STXBP5L: variants seen among roughly 807,000 people sequenced by gnomAD.
STXBP5L encodes the protein syntaxin binding protein 5L, also known as syntaxin-binding protein 5-like.
A neutral mutation model predicts 144.5 loss-of-function variants in STXBP5L; 65 were observed. The ratio of observed to expected loss-of-function variants is 0.45; its 90% CI spans 0.37 to 0.55. The LOEUF is 0.55. Ranked by LOEUF, STXBP5L falls within the 20% of genes least tolerant of loss-of-function variation. The probability of loss-of-function intolerance (pLI) is 0.00; values close to 1 mark genes in which losing one functional copy is unlikely to be tolerated. For missense variants in STXBP5L, 1,298 were observed against 1,405.5 expected, an observed-to-expected ratio of 0.92 and a Z score of 1.22; for synonymous variants, 505 against 469.6, an observed-to-expected ratio of 1.08 and a Z score of -0.97.
In STXBP5L at chr3:120,996,864, G is replaced by T. The variant is rs149352223; in HGVS notation, c.287+41827G>T. Among the ~76,000 whole-genome samples, 5 of 152,224 alleles carry T rather than the reference G, an allele frequency of 3.3e-5. No individual in the cohort carries two copies. In the East Asian group the frequency reaches 9.6e-4, roughly 29 times the overall value. ...TTCAGGTTTGTTACATGGGTAAATT[G>T]CATGTCATGGGGATTTGGTCTACAG... On this transcript the variant is annotated intron_variant, in intron 3 of 26. Transcript: ENST00000471454.
chr3:121,386,633 ATGAG>A (rs1442405824), intron 22 of STXBP5L, among the ~76,000 whole-genome samples: 2 of 151,894 alleles, frequency 1.3e-5, no homozygotes, highest in East Asian at 3.9e-4. Context: ...ATTCCCACCT[ATGAG>A]TGAGAACATG....
chr3:121,273,849 T>C (rs2050799983), intron 18 of STXBP5L, among the ~76,000 whole-genome samples: 1 of 152,086 alleles, frequency 6.6e-6, no homozygotes, highest in South Asian at 2.1e-4. Context: ...TTTTCTTTCA[T>C]TCATTATTCT....
intron 5 of STXBP5L, among the ~76,000 whole-genome samples, chr3:121,086,434 T>G (rs2042497237): frequency 1.3e-5 from 2 of 152,056 alleles, no homozygotes; most frequent in Non-Finnish European, 1.5e-5. Context: ...ATTGTAACAT[T>G]ATAGCACAAT....
chr3:121,251,225 C>G (rs1361946303), intron 15 of STXBP5L, among the ~76,000 whole-genome samples: 1 of 152,074 alleles, frequency 6.6e-6, no homozygotes, highest in Non-Finnish European at 1.5e-5. Flanking sequence ...ATGTAACTTA[C>G]AGAATAAATA....
chr3:121,253,808 TTC>T (rs2050115273), intron 15 of STXBP5L, among the ~76,000 whole-genome samples: 1 of 128,168 alleles, frequency 7.8e-6, no homozygotes, highest in Non-Finnish European at 1.6e-5. Flanking sequence ...TTTTTTTTTT[TTC>T]TTTTTTTTTT....
intron 9 of STXBP5L, among the ~76,000 whole-genome samples, chr3:121,173,759 A>G (rs865880060): frequency 6.6e-6 from 1 of 152,124 alleles, no homozygotes; most frequent in African/African-American, 2.4e-5. Context: ...TCTTTACAAG[A>G]TGAATCGTGT....
At chr3:121,318,379 A>C in intron 19 of STXBP5L, 96 bp from the exon 20 acceptor site, 2 of 750,992 alleles carry the variant, frequency 2.7e-6, no homozygotes, top group Non-Finnish European at 4.0e-6. Context: ...GTTTTCACAT[A>C]AAAAAAAGCC....
chr3:121,019,215 G>A (rs1048843273), intron 3 of STXBP5L, among the ~76,000 whole-genome samples: 11 of 152,142 alleles, frequency 7.2e-5, no homozygotes, highest in African/African-American at 2.4e-4. Flanking sequence ...AGGAGCCACA[G>A]CAAGCCCTGC....
rs374489754 is a variant in STXBP5L at position 121,077,886 on chromosome 3, C to A, written c.470+32351C>A. ...GGGTGCTGATTGGTGTGTTTACAAACCTTGAGCTAGATACAGAGTGCTGAT... is the reference window on the plus strand; with the variant it reads ...GGGTGCTGATTGGTGTGTTTACAAAACTTGAGCTAGATACAGAGTGCTGAT... On this transcript the variant is annotated intron_variant, in intron 5 of 26. Coordinates refer to ENST00000471454, the MANE Select transcript of STXBP5L (RefSeq NM_001308330.2). Among the ~76,000 whole-genome samples, 9 of 151,744 alleles carry A rather than the reference C, an allele frequency of 5.9e-5. No homozygotes were observed. In the East Asian group the frequency reaches 1.2e-3, roughly 20 times the overall value.
chr3:121,401,033 A>G (rs74731070), intron 22 of STXBP5L, among the ~76,000 whole-genome samples: 2 of 151,648 alleles, frequency 1.3e-5, no homozygotes, highest in Admixed American at 1.3e-4. Context: ...TTTTTTTTTT[A>G]TATGTTTTGC....
At chr3:121,269,060 A>C (rs1165817262) in intron 18 of STXBP5L, among the ~76,000 whole-genome samples, 1 of 152,134 alleles carries the variant, frequency 6.6e-6, no homozygotes, top group Non-Finnish European at 1.5e-5. Context: ...TTTATAGAAC[A>C]GATTATTAGT....
chr3:120,948,149 G>C (rs1414062368), intron 2 of STXBP5L, among the ~76,000 whole-genome samples: 1 of 151,406 alleles, frequency 6.6e-6, no homozygotes, highest in Non-Finnish European at 1.5e-5. Context: ...TATCCTAGTG[G>C]GTGCACAGTT....
intron 18 of STXBP5L, among the ~76,000 whole-genome samples, chr3:121,273,203 G>A (rs9832024): frequency 0.099 from 15,064 of 151,760 alleles, 1,168 homozygotes; most frequent in Admixed American, 0.2. Context: ...AGGTCTAGTG[G>A]TGATGAACTT....
At chr3:120,976,202 A>T (rs189935458) in intron 3 of STXBP5L, among the ~76,000 whole-genome samples, 1 of 152,250 alleles carries the variant, frequency 6.6e-6, no homozygotes, top group Admixed American at 6.5e-5. Flanking sequence ...TAAGCTATTG[A>T]TTATTGCCAC....
At chr3:121,168,125 G>A (rs2046568985) in intron 9 of STXBP5L, among the ~76,000 whole-genome samples, 1 of 152,124 alleles carries the variant, frequency 6.6e-6, no homozygotes, top group Non-Finnish European at 1.5e-5. Context: ...AAACAGAAAG[G>A]AAGAGCATCA....
At chr3:121,068,405 CTTTTT>C (rs1475132016) in intron 5 of STXBP5L, among the ~76,000 whole-genome samples, 2 of 152,064 alleles carry the variant, frequency 1.3e-5, no homozygotes, top group Admixed American at 1.3e-4. Context: ...CTTTATGTTT[CTTTTT>C]TATTTTACTT....
intron 3 of STXBP5L, among the ~76,000 whole-genome samples, chr3:120,999,588 CAT>C (rs1337023650): frequency 6.6e-6 from 1 of 151,716 alleles, no homozygotes; most frequent in African/African-American, 2.4e-5. Flanking sequence ...TTAATATTGA[CAT>C]GTGCCAATTT....
chr3:121,080,038 A>G lies in STXBP5L; in HGVS notation c.470+34503A>G, dbSNP rs373311379. ...GTGGATATAAATTTAGAATTGTAAT[A>G]TCTTCCTTTTAGACTAATCCTTTTA... On this transcript the variant is annotated intron_variant, in intron 5 of 26. Transcript: ENST00000471454. Among the ~76,000 whole-genome samples the G allele has an allele frequency of 2.2e-4, 33 of 152,286 alleles. No individual in the cohort carries two copies. In the East Asian group the frequency reaches 3.3e-3, roughly 15 times the overall value.
At chr3:121,263,615 A>G (rs1341594936) in intron 18 of STXBP5L, among the ~76,000 whole-genome samples, 2 of 152,188 alleles carry the variant, frequency 1.3e-5, no homozygotes, top group Non-Finnish European at 2.9e-5. Context: ...ACCAGTTTAG[A>G]GAAGAAGATA....
Sources: allele counts gnomAD v4.1 joint callset (sites outside exome capture counted in the v4.1 genomes callset), GRCh38; gene constraint gnomAD v4.1.1; transcripts MANE v1.5; gene names NCBI Gene and HGNC (gene_info 2026-07-23, HGNC 2026-07-21).